PHKB: variants seen among roughly 807,000 people sequenced by gnomAD.
PHKB encodes phosphorylase kinase regulatory subunit beta.
PHKB carries 122 observed loss-of-function variants against 152.1 expected under a neutral mutation model. That is an observed-to-expected ratio of 0.80 (90% confidence interval 0.69 to 0.93). The LOEUF is 0.93. Among genes scored for constraint, PHKB ranks in the 40% least tolerant of loss-of-function variants. The pLI, the probability that PHKB is intolerant of heterozygous loss-of-function variation, is 0.00. For synonymous variants in PHKB, 436 were observed against 464.9 expected, an observed-to-expected ratio of 0.94 and a Z score of 0.80; for missense variants, 1,304 against 1,328.4, an observed-to-expected ratio of 0.98 and a Z score of 0.29.
chr16:47,678,024 C>G (rs1973768295), intron 26 of PHKB, among the ~76,000 whole-genome samples: 1 of 150,308 alleles, frequency 6.7e-6, no homozygotes, highest in African/African-American at 2.5e-5. Context: ...GCGGTGTTTC[C>G]TTTTTTGTCC....
chr16:47,697,061 CAT>C (rs770075524), intron 29 of PHKB, among the ~76,000 whole-genome samples: 3 of 152,164 alleles, frequency 2.0e-5, no homozygotes, highest in Non-Finnish European at 4.4e-5. Context: ...TAACAGAACA[CAT>C]GTGTCCTTTT....
chr16:47,644,660 A>G (rs1032934236), intron 16 of PHKB, among the ~76,000 whole-genome samples: 1 of 152,226 alleles, frequency 6.6e-6, no homozygotes, highest in African/African-American at 2.4e-5. Context: ...GTAAAAATAA[A>G]TTGCAGACAG....
intron 2 of PHKB, among the ~76,000 whole-genome samples, chr16:47,499,501 G>A (rs572089926): frequency 6.6e-6 from 1 of 152,314 alleles, no homozygotes; most frequent in Admixed American, 6.5e-5. Flanking sequence ...TACTGGAGAT[G>A]TGCTAAAGGC....
rs759027106 is a variant in PHKB, at chr16:47,511,728, A to G, written c.469A>G (p.Thr157Ala). 5.6e-6 allele frequency: 9 copies of G among 1,612,628 alleles called. No homozygotes were observed. Among genetic ancestry groups the G allele is most frequent in the Non-Finnish European group, 5.9e-6 (7 of 1,178,626 alleles). The change falls in exon 5 of 31, where the codon ACA becomes GCA. Residue 157 changes from threonine to alanine, a missense_variant. Physicochemically the swap from Thr to Ala is moderately conservative, Grantham distance 58 (BLOSUM62 0). Coordinates refer to ENST00000323584, the MANE Select transcript of PHKB (RefSeq NM_000293.3). ...TCTTCACTCTGTTTTCAATGTGCATACAGGAGATGAGTTGCTTTCCTATGA... is the reference window on the plus strand; with the variant it reads ...TCTTCACTCTGTTTTCAATGTGCATGCAGGAGATGAGTTGCTTTCCTATGA... Reference protein sequence around the residue: ...TCLHSVFNVHTGDELLSYEEY... With the variant: ...TCLHSVFNVHAGDELLSYEEY...
chr16:47,623,715 G>A (rs561447220), intron 14 of PHKB, among the ~76,000 whole-genome samples: 1 of 151,874 alleles, frequency 6.6e-6, no homozygotes, highest in African/African-American at 2.4e-5. Context: ...CATCATGCCT[G>A]GTTAATTTGT....
chr16:47,583,550 C>T (rs974024241), intron 8 of PHKB, among the ~76,000 whole-genome samples: 1 of 150,518 alleles, frequency 6.6e-6, no homozygotes. Context: ...AAGACCTGAT[C>T]GTGTGTCTTT....
intron 13 of PHKB, among the ~76,000 whole-genome samples, chr16:47,610,344 A>G (rs1168942342): frequency 6.6e-6 from 1 of 151,540 alleles, no homozygotes; most frequent in Non-Finnish European, 1.5e-5. Context: ...AAAATAGGTT[A>G]TTGATTTGAG....
At chr16:47,594,319 G>A in intron 12 of PHKB, 105 bp downstream of exon 12, 3 of 676,456 alleles carry the variant, frequency 4.4e-6, no homozygotes, top group South Asian at 1.7e-5. Context: ...GTATTAAATT[G>A]AAAAAAATGA....
At chr16:47,576,164 G>C (rs1971746257) in intron 7 of PHKB, among the ~76,000 whole-genome samples, 1 of 152,132 alleles carries the variant, frequency 6.6e-6, no homozygotes, top group Non-Finnish European at 1.5e-5. Flanking sequence ...AACTGCACTT[G>C]TGCCCCTTAA....
At chr16:47,572,443 GTTTC>G (rs945648519) in intron 7 of PHKB, among the ~76,000 whole-genome samples, 1 of 152,114 alleles carries the variant, frequency 6.6e-6, no homozygotes, top group Non-Finnish European at 1.5e-5. Flanking sequence ...TTATGATTTT[GTTTC>G]TTTCTTCTGA....
intron 6 of PHKB, among the ~76,000 whole-genome samples, chr16:47,537,543 C>T (rs145344478): frequency 6.0e-4 from 92 of 152,304 alleles, no homozygotes; most frequent in Non-Finnish European, 1.2e-3. Flanking sequence ...CTGTGTGTCA[C>T]CTAGCATAAG....
chr16:47,550,103 C>A (rs1971245425), intron 7 of PHKB, among the ~76,000 whole-genome samples: 1 of 152,132 alleles, frequency 6.6e-6, no homozygotes, highest in Non-Finnish European at 1.5e-5. Context: ...TTGAAAGTTT[C>A]CAAGGTCAGG....
intron 26 of PHKB, among the ~76,000 whole-genome samples, chr16:47,688,480 A>G (rs1255151199): frequency 6.6e-6 from 1 of 152,252 alleles, no homozygotes; most frequent in Non-Finnish European, 1.5e-5. Flanking sequence ...ATGTACAACT[A>G]TAACTAAGTT....
intron 6 of PHKB, among the ~76,000 whole-genome samples, chr16:47,538,302 G>A (rs556042929): frequency 6.6e-6 from 1 of 152,340 alleles, no homozygotes; most frequent in African/African-American, 2.4e-5. Context: ...ATGAAAGTGA[G>A]CAGGTTGTTT....
At chr16:47,585,301 T>C (rs1466845285) in intron 8 of PHKB, among the ~76,000 whole-genome samples, 1 of 152,232 alleles carries the variant, frequency 6.6e-6, no homozygotes, top group African/African-American at 2.4e-5. Flanking sequence ...TTCATATTCC[T>C]ATCCTTAATT....
At chr16:47,665,662 G>A (rs1421492037) in intron 25 of PHKB, 1 of 504,116 alleles carries the variant, frequency 2.0e-6, no homozygotes, top group Non-Finnish European at 3.6e-6. Context: ...ATAATAATTA[G>A]GTTTTCTTTT....
intron 8 of PHKB, 98 bp from the exon 9 acceptor site, chr16:47,587,570 A>T: frequency 1.2e-6 from 1 of 801,030 alleles, no homozygotes; most frequent in Admixed American, 2.0e-5. Context: ...AGATGCAGAC[A>T]ATGTCAGTAT....
rs569867457 is a variant in PHKB, at chr16:47,648,466, A to G, written c.1609-67A>G. On this transcript the variant is annotated intron_variant, in intron 16 of 30. Coordinates refer to ENST00000323584, the MANE Select transcript of PHKB (RefSeq NM_000293.3). ...GGAAAGATCAAAAATTAACAGGACA[A>G]TACTCAGGGGTGAGAAAGTGACATG... The G allele has an allele frequency of 2.8e-6, 3 of 1,076,578 alleles. No homozygotes were observed. In the East Asian group the frequency reaches 7.2e-5, roughly 26 times the overall value. 66.7% of individuals were successfully genotyped at this position (1,076,578 alleles called of 1,614,324 possible).
rs1405663204 is a variant in PHKB, at chr16:47,699,308, A to G, written c.3224A>G (p.Asn1075Ser). 1.2e-6 allele frequency: 2 copies of G among 1,614,164 alleles called. No individual in the cohort carries two copies. The highest frequency in any genetic ancestry group is 1.7e-5 in the Admixed American group (1 of 60,022). ...AGCTATTTGACAAAGGCGGTGATGA[A>G]TCTGCTGCTGGAAGGAGAAGTCAAG... is the stretch of plus-strand genomic sequence containing the variant. ...TCSYLTKAVM[N>S]LLLEGEVKPN... is the part of the protein sequence containing the mutation. The change falls in exon 31 of 31, where the codon AAT becomes AGT. Residue 1075 changes from asparagine (N) to serine (S), a missense_variant. Asn to Ser is a conservative substitution (Grantham distance 46, BLOSUM62 1). Coordinates refer to ENST00000323584, the MANE Select transcript of PHKB (RefSeq NM_000293.3).
Sources: allele counts gnomAD v4.1 joint callset (sites outside exome capture counted in the v4.1 genomes callset), GRCh38; gene constraint gnomAD v4.1.1; transcripts MANE v1.5; gene names NCBI Gene and HGNC (gene_info 2026-07-23, HGNC 2026-07-21).